Variants in TEX2 observed in about 807,000 individuals in gnomAD.
TEX2 encodes the protein testis-expressed protein 2.
Under a neutral mutation model 106.9 loss-of-function variants are expected in TEX2, and 53 were observed. The observed-to-expected ratio is 0.50, with a 90% CI of 0.40 to 0.62. The LOEUF (loss-of-function observed/expected upper bound fraction) is 0.62, where lower values mean the gene tolerates loss of function less well. TEX2 is among the 20% of genes least tolerant of loss of function. The pLI is 0.00. For synonymous variants in TEX2, 523 were observed against 534.8 expected (o/e 0.98, Z 0.30); for missense variants, 1,207 against 1,379.0 (o/e 0.88, Z 1.98).
chr17:64,243,179 G>A (rs534118688), intron 1 of TEX2, among the ~76,000 whole-genome samples: 4 of 151,656 alleles, frequency 2.6e-5, no homozygotes, highest in African/African-American at 9.7e-5. Flanking sequence ...CGCCTGCCTC[G>A]GCCTCTCAAA....
intron 2 of TEX2, among the ~76,000 whole-genome samples, chr17:64,210,600 T>A (rs551523467): frequency 1.3e-5 from 2 of 148,626 alleles, no homozygotes; most frequent in South Asian, 4.3e-4. Flanking sequence ...CAAATATTAT[T>A]TTGGATCCTA....
At chr17:64,218,127 T>C (rs962582994) in intron 1 of TEX2, among the ~76,000 whole-genome samples, 3 of 152,070 alleles carry the variant, frequency 2.0e-5, no homozygotes, top group Admixed American at 1.3e-4. Flanking sequence ...ACACCTGTAA[T>C]CCCAGCTACT....
intron 10 of TEX2, among the ~76,000 whole-genome samples, chr17:64,151,194 G>A (rs1598110720): frequency 6.6e-6 from 1 of 152,190 alleles, no homozygotes; most frequent in Non-Finnish European, 1.5e-5. Flanking sequence ...CAAACTGAGA[G>A]AGCCAGGAAG....
chr17:64,186,374 C>T (rs1179384408), intron 5 of TEX2, among the ~76,000 whole-genome samples: 2 of 152,116 alleles, frequency 1.3e-5, no homozygotes, highest in Admixed American at 6.6e-5. Context: ...GGTAGTGGGT[C>T]GCAGGCCAGC....
rs1312177858 is a variant in TEX2, at chr17:64,193,744, C to T, written c.1991G>A (p.Gly664Glu). Residue 664 changes from glycine (G) to glutamate (E), a missense_variant, in exon 4 of 12, where the codon GGA becomes GAA. Physicochemically the swap from Gly to Glu is moderately conservative, Grantham distance 98. Around this residue, in one of 3 missense-constraint regions of TEX2, gnomAD observed 1,067 missense variants for 1,193.6 expected, o/e 0.89. Transcript: ENST00000584379. ...GGGTGGCTTCTTAGGGTCCTCACTT[C>T]CCTCAGCTGGCGGCTTCTCTTCTGA... ...ETSEEKPPAE[G>E]SEDPKKPPRP... 4.3e-6 allele frequency: 7 copies of T among 1,613,718 alleles called. No homozygotes were observed. The Admixed American group carries it at 1.0e-4, about 23-fold the overall frequency.
intron 1 of TEX2, among the ~76,000 whole-genome samples, chr17:64,219,440 A>C (rs1342767009): frequency 6.6e-6 from 1 of 151,960 alleles, no homozygotes; most frequent in Non-Finnish European, 1.5e-5. Flanking sequence ...TGAGAGAAGG[A>C]GGTTTCAGTA....
At chr17:64,183,465 T>C (rs2031959580) in intron 5 of TEX2, among the ~76,000 whole-genome samples, 1 of 151,934 alleles carries the variant, frequency 6.6e-6, no homozygotes, top group East Asian at 2.0e-4. Context: ...CTCACTCTGT[T>C]GTCCAGGCTG....
At position 64,171,133 on chromosome 17, in the gene TEX2, G is replaced by A; in HGVS notation, c.2638C>T (p.Leu880Phe). 5.0e-6 allele frequency: 8 copies of A among 1,614,116 alleles called. No individual in the cohort carries two copies. The highest frequency in any genetic ancestry group is 6.8e-6 in the Non-Finnish European group (8 of 1,179,988). The change falls in exon 7 of 12, where the codon CTC becomes TTC. Residue 880 changes from leucine (L) to phenylalanine (F), a missense_variant. By Grantham distance (22) the Leu-to-Phe change is conservative. Coordinates refer to ENST00000584379, the MANE Select transcript of TEX2 (RefSeq NM_001288732.2). ...LDMGVAVPKI[L>F]QAFKPYVDHQ... Reference sequence around the variant, plus strand: ...TCAACGTAAGGCTTGAAGGCCTGGAGGATTTTTGGCACAGCCACGCCCATG... The same window carrying A: ...TCAACGTAAGGCTTGAAGGCCTGGAAGATTTTTGGCACAGCCACGCCCATG...
intron 7 of TEX2, among the ~76,000 whole-genome samples, chr17:64,170,597 A>G (rs1289322208): frequency 7.4e-6 from 1 of 135,102 alleles, no homozygotes; most frequent in Non-Finnish European, 1.6e-5. Flanking sequence ...AAGACTTAGG[A>G]TGGGAGCTTG....
rs2032371391 is a variant in TEX2 at position 64,193,627 on chromosome 17, C to A, written c.2108G>T (p.Arg703Ile). The part of the protein sequence containing the change: ...TGREKEEWFR[R>I]FILASKLKSE... ...CTTTAGCTTAGATGCCAGAATAAAT[C>A]TCCTAAACCATTCCTCTTTTTCTCG... Residue 703 changes from arginine (R) to isoleucine (I), a missense_variant, in exon 4 of 12, where the codon AGA becomes ATA. Around this residue, in one of 3 missense-constraint regions of TEX2, gnomAD observed 1,067 missense variants for 1,193.6 expected, o/e 0.89. Transcript: ENST00000584379. 2 of 1,515,746 alleles carry A rather than the reference C, an allele frequency of 1.3e-6. No individual in the cohort carries two copies. Among genetic ancestry groups the A allele is most frequent in the Non-Finnish European group, 1.8e-6 (2 of 1,128,116 alleles). 93.9% of individuals were successfully genotyped at this position (1,515,746 alleles called of 1,614,324 possible). A position where few individuals can be genotyped will look rare whatever the true frequency, so the allele number is the denominator to read the frequency against.
intron 6 of TEX2, among the ~76,000 whole-genome samples, chr17:64,176,232 A>T (rs1014942978): frequency 2.0e-5 from 3 of 152,166 alleles, no homozygotes; most frequent in African/African-American, 7.2e-5. Context: ...TGGCCCACAG[A>T]CAGCAGCCAG....
Position 64,183,408 on chromosome 17 carries a change from G to A in TEX2, c.2424+4760C>T, listed in dbSNP as rs535328515. Among the ~76,000 whole-genome samples, 6 of 152,126 alleles carry A rather than the reference G, an allele frequency of 3.9e-5. No homozygotes were observed. In the South Asian group the frequency reaches 1.2e-3, roughly 32 times the overall value. ...ACTATTTTACATTCCTGCCAGCAAC[G>A]TATGAGGACTCCAATTTCTTTCTTT... On this transcript the variant is annotated intron_variant, in intron 5 of 11. Coordinates refer to ENST00000584379, the MANE Select transcript of TEX2 (RefSeq NM_001288732.2).
At chr17:64,256,535 A>G (rs1162841173) in intron 1 of TEX2, among the ~76,000 whole-genome samples, 1 of 152,112 alleles carries the variant, frequency 6.6e-6, no homozygotes, top group Non-Finnish European at 1.5e-5. Context: ...TGCTCTGCCC[A>G]AGACCCCCAG....
intron 1 of TEX2, 123 bp from the exon 2 acceptor site, chr17:64,214,365 G>A (rs2033125381): frequency 5.0e-6 from 4 of 795,940 alleles, no homozygotes; most frequent in Non-Finnish European, 7.9e-6. Flanking sequence ...CTTGGCAGAT[G>A]TCCACCGTTT....
At position 64,211,588 on chromosome 17, in the gene TEX2, A is replaced by G. The variant is rs76601702; in HGVS notation, c.1644+986T>C. Among the ~76,000 whole-genome samples the G allele has an allele frequency of 2.8e-4, 43 of 152,350 alleles. No individual in the cohort carries two copies. In the East Asian group the frequency reaches 6.9e-3, roughly 25 times the overall value. ...CCATTCACATTATGTTAGGTATTAT[A>G]AGTAATCTAGAGATGATTTAAAAGT... On this transcript the variant is annotated intron_variant, in intron 2 of 11. Coordinates refer to ENST00000584379, the MANE Select transcript of TEX2 (RefSeq NM_001288732.2).
intron 7 of TEX2, among the ~76,000 whole-genome samples, chr17:64,161,493 C>G (rs2030881079): frequency 6.6e-6 from 1 of 152,206 alleles, no homozygotes; most frequent in Admixed American, 6.5e-5. Flanking sequence ...ACCTTCCTTT[C>G]TTTCTGGAAA....
intron 5 of TEX2, 36 bp from the exon 6 acceptor site, chr17:64,177,507 G>A (rs767204301): frequency 5.0e-6 from 8 of 1,605,426 alleles, no homozygotes. Context: ...TAGCTAGAAA[G>A]CAACTGGAGA....
intron 1 of TEX2, among the ~76,000 whole-genome samples, chr17:64,262,636 C>T (rs2034312008): frequency 6.6e-6 from 1 of 152,246 alleles, no homozygotes; most frequent in Non-Finnish European, 1.5e-5. Context: ...GATTTCGGCA[C>T]GCCGCCGCCT....
At chr17:64,173,635 A>C (rs2031502541) in intron 6 of TEX2, among the ~76,000 whole-genome samples, 1 of 152,142 alleles carries the variant, frequency 6.6e-6, no homozygotes, top group African/African-American at 2.4e-5. Context: ...TATTTGGAGA[A>C]CCTTTTTCCA....
Sources: allele counts gnomAD v4.1 joint callset (sites outside exome capture counted in the v4.1 genomes callset), GRCh38; gene constraint gnomAD v4.1.1; regional missense constraint gnomAD v4.1.1; transcripts MANE v1.5; gene names NCBI Gene and HGNC (gene_info 2026-07-23, HGNC 2026-07-21).